The following HECW2 variants were observed in gnomAD, a reference collection of about 807,000 sequenced individuals.
HECW2 encodes HECT, C2 and WW domain containing E3 ubiquitin protein ligase 2.
HECW2 carries 61 observed loss-of-function variants against 175.2 expected under a neutral mutation model. The ratio of observed to expected loss-of-function variants is 0.35; its 90% CI spans 0.28 to 0.43. The LOEUF (loss-of-function observed/expected upper bound fraction) is 0.43. Among genes scored for constraint, HECW2 ranks in the 20% least tolerant of loss-of-function variants. The pLI is 1.00. For missense variants in HECW2, 1,524 were observed against 2,000.5 expected (o/e 0.76, Z 4.54); for synonymous variants, 671 against 731.0 (o/e 0.92, Z 1.32).
chr2:196,271,154 G>T, intron 17 of HECW2, 39 bp downstream of exon 17: 3 of 1,168,404 alleles, frequency 2.6e-6, no homozygotes, highest in Non-Finnish European at 3.8e-6. Context: ...AATGGTTTGT[G>T]CTTATGCAAC....
At chr2:196,214,932 G>C (rs1687418362) in intron 28 of HECW2, among the ~76,000 whole-genome samples, 1 of 151,900 alleles carries the variant, frequency 6.6e-6, no homozygotes, top group African/African-American at 2.4e-5. Context: ...TAATAAAATA[G>C]GTTTCTCAAA....
intron 2 of HECW2, among the ~76,000 whole-genome samples, chr2:196,373,689 G>A (rs1693967308): frequency 6.6e-6 from 1 of 152,084 alleles, no homozygotes; most frequent in Admixed American, 6.5e-5. Flanking sequence ...AAGAGTACAA[G>A]GGGAAACAAA....
intron 1 of HECW2, among the ~76,000 whole-genome samples, chr2:196,453,181 C>G (rs1010869488): frequency 6.6e-6 from 1 of 152,170 alleles, no homozygotes; most frequent in African/African-American, 2.4e-5. Context: ...CACAGAATTT[C>G]AAGATCTCTA....
chr2:196,382,076 A>G (rs1694221375), intron 2 of HECW2, among the ~76,000 whole-genome samples: 1 of 152,140 alleles, frequency 6.6e-6, no homozygotes, highest in Non-Finnish European at 1.5e-5. Context: ...AAATCTGAAC[A>G]ATATATAAGT....
intron 2 of HECW2, chr2:196,362,232 A>G: frequency 1.0e-6 from 1 of 983,626 alleles, no homozygotes; most frequent in Non-Finnish European, 1.2e-6. Context: ...ACCCCTGTAA[A>G]GGGTACAGGA....
At chr2:196,410,012 A>T (rs1453116753) in intron 2 of HECW2, among the ~76,000 whole-genome samples, 1 of 152,232 alleles carries the variant, frequency 6.6e-6, no homozygotes, top group Non-Finnish European at 1.5e-5. Context: ...TATATGGGCA[A>T]TGAATAACAT....
intron 28 of HECW2, among the ~76,000 whole-genome samples, chr2:196,210,725 T>C (rs980667831): frequency 2.6e-5 from 4 of 151,796 alleles, no homozygotes; most frequent in East Asian, 1.9e-4. Context: ...GTGATTCTTC[T>C]GCCTCAGCCT....
intron 1 of HECW2, among the ~76,000 whole-genome samples, chr2:196,486,503 C>T (rs926275220): frequency 6.6e-6 from 1 of 152,070 alleles, no homozygotes; most frequent in African/African-American, 2.4e-5. Flanking sequence ...TGCATTATTC[C>T]AGCATTATAC....
At chr2:196,564,677 T>C (rs1477419819) in intron 1 of HECW2, among the ~76,000 whole-genome samples, 2 of 152,090 alleles carry the variant, frequency 1.3e-5, no homozygotes, top group African/African-American at 2.4e-5. Flanking sequence ...ATATTTTTAA[T>C]TTAAACATTC....
chr2:196,415,622 A>G (rs1695234930), intron 2 of HECW2, among the ~76,000 whole-genome samples: 1 of 152,158 alleles, frequency 6.6e-6, no homozygotes, highest in Non-Finnish European at 1.5e-5. Context: ...CGTGCATGAC[A>G]TGCAGAATGG....
intron 17 of HECW2, among the ~76,000 whole-genome samples, chr2:196,262,679 C>T (rs1217388614): frequency 2.0e-5 from 3 of 152,196 alleles, no homozygotes; most frequent in South Asian, 4.2e-4. Flanking sequence ...GATTCTCCTG[C>T]CTCAGCCTCC....
At chr2:196,276,601 C>G (rs1689966170) in intron 15 of HECW2, among the ~76,000 whole-genome samples, 1 of 152,156 alleles carries the variant, frequency 6.6e-6, no homozygotes, top group Middle Eastern at 3.2e-3. Context: ...ACATCGCACA[C>G]AAGGTCCAAA....
chr2:196,293,842 A>G (rs749389048), intron 13 of HECW2, among the ~76,000 whole-genome samples: 1 of 152,196 alleles, frequency 6.6e-6, no homozygotes, highest in Admixed American at 6.5e-5. Context: ...TTGCATGGAA[A>G]AATGCTTGCC....
intron 2 of HECW2, chr2:196,362,060 T>G: frequency 1.0e-6 from 1 of 985,186 alleles, no homozygotes; most frequent in Non-Finnish European, 1.2e-6. Flanking sequence ...GTTCTAGAAA[T>G]GAAATACTAG....
At chr2:196,207,200 T>C (rs1687100830) in intron 28 of HECW2, among the ~76,000 whole-genome samples, 2 of 152,158 alleles carry the variant, frequency 1.3e-5, no homozygotes, top group Admixed American at 6.5e-5. Flanking sequence ...AAAAGTGGGT[T>C]GGCAGAGGTA....
chr2:196,371,680 C>T (rs1294847992), intron 2 of HECW2, among the ~76,000 whole-genome samples: 1 of 152,140 alleles, frequency 6.6e-6, no homozygotes, highest in Non-Finnish European at 1.5e-5. Context: ...TCTTTTTCTA[C>T]TAGCTTATTT....
At chr2:196,301,635 T>G (rs1319580779) in intron 13 of HECW2, among the ~76,000 whole-genome samples, 1 of 152,252 alleles carries the variant, frequency 6.6e-6, no homozygotes. Context: ...CCAGTAATGT[T>G]GAGCTTTTTT....
intron 5 of HECW2, among the ~76,000 whole-genome samples, chr2:196,329,002 C>CT (rs369004305): frequency 4.6e-5 from 7 of 150,746 alleles, no homozygotes; most frequent in South Asian, 2.1e-4. Context: ...TGACATTATT[C>CT]TTTTTTTTTC....
chr2:196,311,492 C>A (rs887197870), intron 10 of HECW2, among the ~76,000 whole-genome samples: 5 of 152,116 alleles, frequency 3.3e-5, no homozygotes, highest in African/African-American at 1.2e-4. Context: ...GAAATGGGGG[C>A]TCACAAGAAA....
Sources: allele counts gnomAD v4.1 joint callset (sites outside exome capture counted in the v4.1 genomes callset), GRCh38; gene constraint gnomAD v4.1.1; transcripts MANE v1.5; gene names NCBI Gene and HGNC (gene_info 2026-07-23, HGNC 2026-07-21).